WIPI2: variants seen among roughly 807,000 people sequenced by gnomAD.
The protein encoded by WIPI2 is WD repeat domain phosphoinositide-interacting protein 2.
A neutral mutation model predicts 52.3 loss-of-function variants in WIPI2; 28 were observed. The observed-to-expected ratio is 0.54, with a 90% CI of 0.40 to 0.73. WIPI2 has a LOEUF of 0.73. Among genes scored for constraint, WIPI2 ranks in the 30% least tolerant of loss-of-function variants. The pLI, the probability that WIPI2 is intolerant of heterozygous loss-of-function variation, is 0.00. For synonymous variants in WIPI2, 268 were observed against 245.0 expected (o/e 1.09, Z -0.88); for missense variants, 506 against 602.9 (o/e 0.84, Z 1.68).
At chr7:5,198,969 C>T (rs1319639259) in intron 2 of WIPI2, among the ~76,000 whole-genome samples, 1 of 152,160 alleles carries the variant, frequency 6.6e-6, no homozygotes, top group Non-Finnish European at 1.5e-5. Context: ...CACACAATAC[C>T]TTATTATCAA....
chr7:5,211,129 C>T (rs528809264), intron 3 of WIPI2, among the ~76,000 whole-genome samples: 6 of 152,306 alleles, frequency 3.9e-5, no homozygotes, highest in South Asian at 4.1e-4. Flanking sequence ...GAAGATAGGA[C>T]GTTGCCCTGT....
At position 5,227,001 on chromosome 7, in the gene WIPI2, G is replaced by T. The variant is rs80206650; in HGVS notation, c.849-179G>T. Reference sequence around the variant, plus strand: ...ACCCCTCCCCCGACACCTCCCAGAGGAAGCTCCGTGATGCCCCTGGGGCCC... The same window carrying T: ...ACCCCTCCCCCGACACCTCCCAGAGTAAGCTCCGTGATGCCCCTGGGGCCC... On this transcript the variant is annotated intron_variant, in intron 9 of 12. Transcript: ENST00000288828. The surrounding 1 kb of genome is among the most constrained non-coding windows in gnomAD (Gnocchi z 8.1). 182,595 of 771,338 alleles carry T rather than the reference G, an allele frequency of 0.24. 23,780 individuals carry two copies. Among genetic ancestry groups the T allele is most frequent in the Admixed American group, 0.47 (16,649 of 35,204 alleles). 47.8% of individuals were successfully genotyped at this position (771,338 alleles called of 1,614,324 possible).
At chr7:5,199,089 T>C (rs1186515466) in intron 2 of WIPI2, among the ~76,000 whole-genome samples, 1 of 152,184 alleles carries the variant, frequency 6.6e-6, no homozygotes, top group Non-Finnish European at 1.5e-5. Context: ...GCAGGATCAA[T>C]CTTAGCTCAC....
chr7:5,201,570 C>A (rs555381370), intron 3 of WIPI2, among the ~76,000 whole-genome samples: 12 of 152,148 alleles, frequency 7.9e-5, no homozygotes, highest in Non-Finnish European at 1.3e-4. Flanking sequence ...ATGGCAAAAC[C>A]CTGTCTCTAC....
chr7:5,213,411 G>T (rs1393030638), intron 3 of WIPI2: 1 of 152,688 alleles, frequency 6.5e-6, no homozygotes, highest in Non-Finnish European at 1.5e-5. Flanking sequence ...GCGTAGGTCA[G>T]CGAGGGGCCG....
At chr7:5,219,094 C>T (rs751332441) in intron 7 of WIPI2, 10 of 152,202 alleles carry the variant, frequency 6.6e-5, no homozygotes, top group African/African-American at 2.4e-4. Flanking sequence ...ATGATGTCAC[C>T]GCTTATGGGT....
Position 5,190,380 on chromosome 7 carries a change from G to T in WIPI2, c.-40G>T. 7.6e-7 allele frequency: 1 copy of T among 1,314,422 alleles called. No individual in the cohort carries two copies. 81.4% of individuals were successfully genotyped at this position (1,314,422 alleles called of 1,614,324 possible). ...TGCAGCCTGACCCGCCCTCGCGCGC[G>T]CGCCCTCCCCGGCCGGGCCCACTCG... On this transcript the variant is annotated 5_prime_UTR_variant, in exon 1 of 13. Transcript: ENST00000288828.
At chr7:5,207,488 C>T (rs997122754) in intron 3 of WIPI2, among the ~76,000 whole-genome samples, 2 of 151,940 alleles carry the variant, frequency 1.3e-5, no homozygotes, top group South Asian at 2.1e-4. Context: ...TCTCATTTGC[C>T]CAGTATGTGA....
rs577666823 is a variant in WIPI2 at position 5,196,833 on chromosome 7, C to T, written c.129-2743C>T. Among the ~76,000 whole-genome samples, 3 of 152,018 alleles carry T rather than the reference C, an allele frequency of 2.0e-5. No individual in the cohort carries two copies. In the South Asian group the frequency reaches 6.2e-4, roughly 32 times the overall value. On this transcript the variant is annotated intron_variant, in intron 2 of 12. Transcript: ENST00000288828. ...TTTTTATAAACTCAGTGCTACAGGC[C>T]GGGCATGGTGGCTCACACCTGTAAT...
At position 5,214,522 on chromosome 7, in the gene WIPI2, T is replaced by G. The variant is rs1782714709; in HGVS notation, c.212-13T>G. On this transcript the variant is annotated splice_polypyrimidine_tract_variant and intron_variant, in intron 3 of 12. Transcript: ENST00000288828. ...GGAGATGTTCACGCATGTACTTCCC[T>G]TTGTGATTTCAGCCGATACGGAAGA... 3 of 1,614,222 alleles carry G rather than the reference T, an allele frequency of 1.9e-6. No homozygotes were observed. The highest frequency in any genetic ancestry group is 2.5e-6 in the Non-Finnish European group (3 of 1,180,046).
chr7:5,196,796 G>A (rs1403031061), intron 2 of WIPI2, among the ~76,000 whole-genome samples: 1 of 151,982 alleles, frequency 6.6e-6, no homozygotes, highest in African/African-American at 2.4e-5. Context: ...CAAAACAAGA[G>A]ATGGAAAAAT....
rs1783777760 is a variant in WIPI2 at position 5,232,610 on chromosome 7, G to A, written c.*1663G>A. On this transcript the variant is annotated 3_prime_UTR_variant, in exon 13 of 13. Transcript: ENST00000288828. ...GAGTGGGCTATGCTTGAGCAGGGATGAGAAGGGCCGCGGCAGCACGCAGCC... is the reference window on the plus strand; with the variant it reads ...GAGTGGGCTATGCTTGAGCAGGGATAAGAAGGGCCGCGGCAGCACGCAGCC... 3.2e-6 allele frequency: 1 copy of A among 310,630 alleles called. No individual in the cohort carries two copies. Among genetic ancestry groups the A allele is most frequent in the Non-Finnish European group, 5.9e-6 (1 of 170,746 alleles). 19.2% of individuals were successfully genotyped at this position (310,630 alleles called of 1,614,324 possible). A position where few individuals can be genotyped will look rare whatever the true frequency, so the allele number is the denominator to read the frequency against.
intron 3 of WIPI2, among the ~76,000 whole-genome samples, chr7:5,212,735 CT>C (rs1193533321): frequency 1.3e-5 from 2 of 152,206 alleles, no homozygotes; most frequent in Non-Finnish European, 2.9e-5. Context: ...CCAGGCTGGT[CT>C]CGAATTCCTG....
intron 1 of WIPI2, among the ~76,000 whole-genome samples, chr7:5,191,856 C>T (rs1781498436): frequency 6.6e-6 from 1 of 152,192 alleles, no homozygotes; most frequent in Admixed American, 6.5e-5. Flanking sequence ...CTCCCCAAAG[C>T]TGTGAAGACA....
intron 3 of WIPI2, among the ~76,000 whole-genome samples, chr7:5,205,577 A>G (rs1782253348): frequency 6.6e-6 from 1 of 152,040 alleles, no homozygotes; most frequent in Non-Finnish European, 1.5e-5. Flanking sequence ...GAGGTGGCTC[A>G]CTGTGCAACC....
rs1292546610 is a variant in WIPI2 at position 5,225,846 on chromosome 7, C to T, written c.764C>T (p.Ala255Val). 6.2e-7 allele frequency: 1 copy of T among 1,613,330 alleles called. No individual in the cohort carries two copies. The highest frequency in any genetic ancestry group is 1.7e-5 in the Admixed American group (1 of 59,914). The change falls in exon 9 of 13, where the codon GCC (alanine) becomes GTC (valine). Residue 255 changes from alanine (A) to valine (V), a missense_variant. Physicochemically the swap from Ala to Val is moderately conservative, Grantham distance 64. This residue lies in a region of WIPI2 where 237 missense variants were observed against 346.9 expected (regional missense o/e 0.68). Transcript: ENST00000288828. ...AGGTGCGTGAGCATCTGCTCCCTGGCCTTCAGCATGGACGGCATGTTCCTC... is the reference window on the plus strand; with the variant it reads ...AGGTGCGTGAGCATCTGCTCCCTGGTCTTCAGCATGGACGGCATGTTCCTC... Reference protein sequence around the residue: ...VKRCVSICSLAFSMDGMFLSA... With the variant: ...VKRCVSICSLVFSMDGMFLSA...
chr7:5,228,439 A>G (rs115472904), intron 11 of WIPI2, among the ~76,000 whole-genome samples: 4,411 of 152,346 alleles, frequency 0.029, 219 homozygotes, highest in African/African-American at 0.1. Flanking sequence ...GGGCTCCCTC[A>G]GGGACTGGGC....
intron 4 of WIPI2, among the ~76,000 whole-genome samples, chr7:5,215,693 T>G (rs148604549): frequency 1.9e-4 from 29 of 152,384 alleles, no homozygotes; most frequent in Middle Eastern, 6.8e-3. Context: ...TAGGAAGTGG[T>G]CTGTTAACTG....
At chr7:5,197,778 C>A (rs1364121592) in intron 2 of WIPI2, among the ~76,000 whole-genome samples, 1 of 152,192 alleles carries the variant, frequency 6.6e-6, no homozygotes, top group African/African-American at 2.4e-5. Flanking sequence ...AAATGTGCCC[C>A]TTCCCTGTTT....
Sources: allele counts gnomAD v4.1 joint callset (sites outside exome capture counted in the v4.1 genomes callset), GRCh38; gene constraint gnomAD v4.1.1; regional missense constraint gnomAD v4.1.1; non-coding constraint Gnocchi (gnomAD v3.1); transcripts MANE v1.5; gene names NCBI Gene and HGNC (gene_info 2026-07-23, HGNC 2026-07-21).